BTBD9: variants seen among roughly 807,000 people sequenced by gnomAD.
The protein encoded by BTBD9 is BTB domain containing 9.
BTBD9 carries 49 observed loss-of-function variants against 64.3 expected under a neutral mutation model. The ratio of observed to expected loss-of-function variants is 0.76; its 90% CI spans 0.61 to 0.97. BTBD9 has a LOEUF of 0.97. Ranked by LOEUF, BTBD9 falls within the 50% of genes least tolerant of loss-of-function variation. BTBD9 has a pLI of 0.00. For synonymous variants in BTBD9, 260 were observed against 274.7 expected (o/e 0.95, Z 0.53); for missense variants, 598 against 762.1 (o/e 0.78, Z 2.53).
chr6:38,469,608 C>A (rs1281536224), intron 6 of BTBD9, among the ~76,000 whole-genome samples: 2 of 152,024 alleles, frequency 1.3e-5, no homozygotes, highest in Admixed American at 6.6e-5. Flanking sequence ...CGTGAGCCAC[C>A]GCGCCCGGCA....
At chr6:38,216,884 G>C (rs1450898806) in intron 9 of BTBD9, among the ~76,000 whole-genome samples, 1 of 152,088 alleles carries the variant, frequency 6.6e-6, no homozygotes, top group African/African-American at 2.4e-5. Flanking sequence ...CACCTGTTGG[G>C]GATGCTAAAC....
At chr6:38,633,916 T>C (rs982624525) in intron 1 of BTBD9, among the ~76,000 whole-genome samples, 16 of 152,282 alleles carry the variant, frequency 1.1e-4, no homozygotes, top group Admixed American at 9.8e-4. Context: ...TTCAATATAA[T>C]CTTAAGATTA....
chr6:38,256,745 C>T (rs1013692405), intron 8 of BTBD9, among the ~76,000 whole-genome samples: 1 of 152,120 alleles, frequency 6.6e-6, no homozygotes, highest in African/African-American at 2.4e-5. Flanking sequence ...GCAGGCTCTG[C>T]CCCACTGGTG....
chr6:38,343,991 T>C (rs900449491), intron 7 of BTBD9, among the ~76,000 whole-genome samples: 2 of 152,144 alleles, frequency 1.3e-5, no homozygotes, highest in Non-Finnish European at 2.9e-5. Context: ...TGTGCCAACA[T>C]GAACAAAACT....
At chr6:38,208,410 TC>T (rs1218786605) in intron 9 of BTBD9, among the ~76,000 whole-genome samples, 1 of 152,158 alleles carries the variant, frequency 6.6e-6, no homozygotes, top group Non-Finnish European at 1.5e-5. Flanking sequence ...TTTAATCATA[TC>T]TAAAGATGAT....
intron 9 of BTBD9, among the ~76,000 whole-genome samples, chr6:38,247,940 T>A (rs1208509601): frequency 6.6e-6 from 1 of 151,806 alleles, no homozygotes; most frequent in East Asian, 1.9e-4. Flanking sequence ...AAAAAAAAAT[T>A]TTTTTTTTCA....
At chr6:38,374,792 C>G (rs990213252) in intron 6 of BTBD9, among the ~76,000 whole-genome samples, 30 of 152,218 alleles carry the variant, frequency 2.0e-4, no homozygotes, top group African/African-American at 7.0e-4. Flanking sequence ...CTATGGATAC[C>G]CCCACTGCAT....
intron 9 of BTBD9, among the ~76,000 whole-genome samples, chr6:38,216,212 G>A (rs1170997152): frequency 6.6e-6 from 1 of 152,238 alleles, no homozygotes; most frequent in African/African-American, 2.4e-5. Flanking sequence ...CCTCTACTCT[G>A]AGTGATGGCT....
intron 1 of BTBD9, among the ~76,000 whole-genome samples, chr6:38,638,219 A>C (rs571671920): frequency 5.9e-5 from 9 of 152,302 alleles, no homozygotes; most frequent in Admixed American, 6.5e-5. Flanking sequence ...GTCCTCAAAC[A>C]GCACTGGTTA....
chr6:38,512,936 T>G (rs1772838792), intron 6 of BTBD9, among the ~76,000 whole-genome samples: 2 of 152,138 alleles, frequency 1.3e-5, no homozygotes, highest in Non-Finnish European at 2.9e-5. Flanking sequence ...AATACCAAAG[T>G]TAACAAAAGT....
At chr6:38,616,639 A>G (rs1371131747) in intron 1 of BTBD9, among the ~76,000 whole-genome samples, 2 of 152,162 alleles carry the variant, frequency 1.3e-5, no homozygotes, top group East Asian at 3.9e-4. Flanking sequence ...AAATGCACGA[A>G]TCAGCAGGAT....
chr6:38,528,655 C>G (rs1773630482), intron 6 of BTBD9, among the ~76,000 whole-genome samples: 1 of 152,200 alleles, frequency 6.6e-6, no homozygotes, highest in Non-Finnish European at 1.5e-5. Context: ...CCAGATGACA[C>G]TTCTAAACAC....
intron 6 of BTBD9, among the ~76,000 whole-genome samples, chr6:38,572,509 A>G (rs1303411752): frequency 1.3e-5 from 2 of 152,152 alleles, no homozygotes; most frequent in Admixed American, 1.3e-4. Context: ...GGCACACACA[A>G]TTTCTCATTC....
Position 38,288,247 on chromosome 6 carries a change from T to C in BTBD9, c.1454+25A>G, listed in dbSNP as rs752096524. 3.8e-6 allele frequency: 6 copies of C among 1,599,138 alleles called. No individual in the cohort carries two copies. In the Admixed American group the frequency reaches 1.0e-4, roughly 27 times the overall value. The stretch of plus-strand genomic sequence containing the variant: ...TATGTGTATCTTCCATTTTAAAACT[T>C]ATGAATGAGGAGGAATCTTCTTACC... On this transcript the variant is annotated intron_variant, in intron 8 of 10. Transcript: ENST00000481247.
intron 7 of BTBD9, among the ~76,000 whole-genome samples, chr6:38,322,999 G>A (rs1420296779): frequency 6.6e-6 from 1 of 152,206 alleles, no homozygotes; most frequent in Non-Finnish European, 1.5e-5. Context: ...TATGTACTCA[G>A]AAGAAGGGGA....
intron 10 of BTBD9, among the ~76,000 whole-genome samples, chr6:38,175,640 T>TGTGTG (rs1250975185): frequency 2.0e-5 from 3 of 152,206 alleles, no homozygotes; most frequent in African/African-American, 4.8e-5. Context: ...GTGTGGCATC[T>TGTGTG]GCGTGGGTTG....
intron 9 of BTBD9, among the ~76,000 whole-genome samples, chr6:38,228,452 A>C (rs575558752): frequency 3.9e-5 from 6 of 151,924 alleles, no homozygotes; most frequent in Admixed American, 3.3e-4. Context: ...CAAATGCAAC[A>C]AATGTACCAC....
intron 6 of BTBD9, among the ~76,000 whole-genome samples, chr6:38,564,138 C>A (rs1305899819): frequency 6.6e-6 from 1 of 152,166 alleles, no homozygotes; most frequent in Non-Finnish European, 1.5e-5. Flanking sequence ...CCCTGAAGGA[C>A]CTCCCCTGAC....
chr6:38,228,718 A>G (rs1044270336), intron 9 of BTBD9, among the ~76,000 whole-genome samples: 1 of 151,432 alleles, frequency 6.6e-6, no homozygotes, highest in African/African-American at 2.4e-5. Context: ...TACTAGAAAT[A>G]CAAAAATTAG....
Sources: gnomAD v4.1 joint callset for allele counts (sites outside exome capture counted in the v4.1 genomes callset) on GRCh38, gnomAD v4.1.1 for gene constraint, MANE v1.5 for transcripts, NCBI Gene and HGNC (gene_info 2026-07-23, HGNC 2026-07-21) for gene names.